The following USH2A variants were observed in gnomAD, a reference collection of about 807,000 sequenced individuals.
USH2A encodes Usher syndrome 2A (autosomal recessive, mild).
Under a neutral mutation model 538.9 loss-of-function variants are expected in USH2A, and 443 were observed. The ratio of observed to expected loss-of-function variants is 0.82; its 90% confidence interval spans 0.76 to 0.89. The LOEUF (loss-of-function observed/expected upper bound fraction) is 0.89. USH2A is among the 40% of genes least tolerant of loss of function. USH2A has a pLI of 0.00. For missense variants in USH2A, 6,633 were observed against 6,324.8 expected, an observed-to-expected ratio of 1.05 and a Z score of -1.65; for synonymous variants, 2,413 against 2,273.5, an observed-to-expected ratio of 1.06 and a Z score of -1.75.
chr1:215,737,565 T>C lies in USH2A; in HGVS notation c.11711+3810A>G, dbSNP rs190876848. Among the ~76,000 whole-genome samples, 13 of 152,092 alleles carry C rather than the reference T, an allele frequency of 8.5e-5. No homozygotes were observed. The East Asian group carries it at 1.4e-3, about 16-fold the overall frequency. ...TTCTTTGTTTATTTAGCCTGTCTTATATCTCCCACTGTAGTGAAGATCATT... is the reference window on the plus strand; with the variant it reads ...TTCTTTGTTTATTTAGCCTGTCTTACATCTCCCACTGTAGTGAAGATCATT... On this transcript the variant is annotated intron_variant, in intron 60 of 71. Transcript: ENST00000307340.
rs1558027325 is a variant in USH2A, at chr1:215,627,422, TTCCTTCC to T, written c.15519+1385_15519+1391del. ...CTTCCTTCCTTCCTTCCTTCCTTCCTTCCTTCCTTCCTTCCTTCCTTCCTTCCTTCCT... is the reference window on the plus strand; with the variant it reads ...CTTCCTTCCTTCCTTCCTTCCTTCCTTTCCTTCCTTCCTTCCTTCCTTCCT... On this transcript the variant is annotated intron_variant, in intron 71 of 71. Coordinates refer to ENST00000307340, the MANE Select transcript of USH2A (RefSeq NM_206933.4). Among the ~76,000 whole-genome samples, 109 of 122,460 alleles carry T rather than the reference TTCCTTCC, an allele frequency of 8.9e-4. 4 individuals are homozygous for T. The highest frequency in any genetic ancestry group is 3.3e-3 in the African/African-American group (104 of 31,976). The allele number at this position is 122,460 out of a possible 152,430, so 80.3% of individuals were successfully genotyped here. A position where few individuals can be genotyped will look rare whatever the true frequency, so the allele number is the denominator to read the frequency against.
intron 61 of USH2A, among the ~76,000 whole-genome samples, chr1:215,699,783 T>C (rs968122233): frequency 6.6e-6 from 1 of 152,232 alleles, no homozygotes; most frequent in Non-Finnish European, 1.5e-5. Flanking sequence ...CTCTTCCTAT[T>C]TGAATATGCT....
At chr1:215,736,591 T>C (rs1340178719) in intron 60 of USH2A, among the ~76,000 whole-genome samples, 1 of 152,028 alleles carries the variant, frequency 6.6e-6, no homozygotes, top group Non-Finnish European at 1.5e-5. Flanking sequence ...ATAATTAATG[T>C]GTTATTTTTA....
chr1:216,125,003 T>C (rs1215771704), intron 21 of USH2A, among the ~76,000 whole-genome samples: 3 of 152,186 alleles, frequency 2.0e-5, no homozygotes, highest in Non-Finnish European at 4.4e-5. Context: ...ACATCAAATA[T>C]ATTACACATT....
At chr1:216,401,915 A>G (rs2039312113) in intron 3 of USH2A, among the ~76,000 whole-genome samples, 1 of 152,146 alleles carries the variant, frequency 6.6e-6, no homozygotes, top group Non-Finnish European at 1.5e-5. Flanking sequence ...ATTACAATAT[A>G]GAATCACTCA....
Position 215,670,998 on chromosome 1 carries a change from A to G in USH2A, c.14107T>C (p.Leu4703=), listed in dbSNP as rs759350847. Residue 4703 remains leucine, a synonymous_variant, in exon 64 of 72, where the codon TTG becomes CTG. Transcript: ENST00000307340. ...SSTSFIDSEL[L]PFTEYEYQVW... ...TGATACTCATACTCTGTGAAAGGCAATAGTTCGGAATCTATAAAAGATGTT... is the reference window on the plus strand; with the variant it reads ...TGATACTCATACTCTGTGAAAGGCAGTAGTTCGGAATCTATAAAAGATGTT... The G allele has an allele frequency of 6.2e-7, 1 of 1,614,186 alleles. No individual in the cohort carries two copies. Among genetic ancestry groups the G allele is most frequent in the Non-Finnish European group, 8.5e-7 (1 of 1,180,010 alleles).
At chr1:216,318,075 A>G (rs978253436) in intron 9 of USH2A, among the ~76,000 whole-genome samples, 5 of 152,160 alleles carry the variant, frequency 3.3e-5, no homozygotes, top group African/African-American at 1.2e-4. Flanking sequence ...ACCTTTTCTC[A>G]ACTTCATTCA....
intron 21 of USH2A, among the ~76,000 whole-genome samples, chr1:216,104,490 A>G (rs527338225): frequency 6.5e-4 from 99 of 152,306 alleles, no homozygotes; most frequent in African/African-American, 2.3e-3. Flanking sequence ...CCAATGGAAC[A>G]GAACAGAGCC....
At chr1:215,919,246 T>G (rs1350847978) in intron 38 of USH2A, among the ~76,000 whole-genome samples, 1 of 152,130 alleles carries the variant, frequency 6.6e-6, no homozygotes, top group African/African-American at 2.4e-5. Flanking sequence ...AATGGAGTTC[T>G]AATTTGCTGC....
intron 3 of USH2A, among the ~76,000 whole-genome samples, chr1:216,410,578 A>G (rs2039472027): frequency 6.6e-6 from 1 of 152,108 alleles, no homozygotes. Flanking sequence ...AGGGATATGG[A>G]CATCAGAATA....
At chr1:216,072,450 C>A in intron 29 of USH2A, 3 of 270,456 alleles carry the variant, frequency 1.1e-5, no homozygotes, top group Non-Finnish European at 2.2e-5. Flanking sequence ...TCATAGACAC[C>A]CCTGATTCCA....
chr1:216,006,647 C>T (rs564637871), intron 32 of USH2A, among the ~76,000 whole-genome samples: 1 of 152,218 alleles, frequency 6.6e-6, no homozygotes, highest in South Asian at 2.1e-4. Flanking sequence ...TATGTTGTTC[C>T]TTTGTGACTC....
chr1:216,086,995 T>C (rs1319507883), intron 23 of USH2A, 175 bp from the exon 24 acceptor site: 2 of 605,514 alleles, frequency 3.3e-6, no homozygotes, highest in African/African-American at 1.8e-5. Flanking sequence ...CCCAGCATCA[T>C]GATGTTGGAA....
intron 64 of USH2A, 90 bp from the exon 65 acceptor site, chr1:215,650,891 G>C: frequency 1.4e-6 from 2 of 1,473,844 alleles, no homozygotes; most frequent in Non-Finnish European, 1.8e-6. Context: ...AAACGAAATT[G>C]GCAACCAAAA....
At chr1:216,006,125 T>G (rs1668384923) in intron 32 of USH2A, among the ~76,000 whole-genome samples, 2 of 152,152 alleles carry the variant, frequency 1.3e-5, no homozygotes, top group Admixed American at 6.5e-5. Flanking sequence ...GAATCTGGCT[T>G]TACTTTAACT....
rs1553250638 is a variant in USH2A, at chr1:216,323,684, T to A, written c.1340A>T (p.Tyr447Phe). 3 of 1,613,350 alleles carry A rather than the reference T, an allele frequency of 1.9e-6. No homozygotes were observed. Among genetic ancestry groups the A allele is most frequent in the Non-Finnish European group, 2.5e-6 (3 of 1,179,658 alleles). Reference protein sequence around the residue: ...NCLQLSNFTPYSRGNVTFSIL... With the variant: ...NCLQLSNFTPFSRGNVTFSIL... Reference sequence around the variant, plus strand: ...GCTAAATGTGACATTGCCACGGGAATATGGAGTAAAACTGTTAATGAAAGA... The same window carrying A: ...GCTAAATGTGACATTGCCACGGGAAAATGGAGTAAAACTGTTAATGAAAGA... The change falls in exon 8 of 72, where the codon TAT (tyrosine) becomes TTT (phenylalanine). Residue 447 changes from tyrosine (Y) to phenylalanine (F), a missense_variant. Tyr to Phe is a conservative substitution (Grantham distance 22). Coordinates refer to ENST00000307340, the MANE Select transcript of USH2A (RefSeq NM_206933.4).
intron 27 of USH2A, among the ~76,000 whole-genome samples, chr1:216,075,101 G>A (rs1404837538): frequency 6.6e-6 from 1 of 152,066 alleles, no homozygotes; most frequent in Non-Finnish European, 1.5e-5. Context: ...TTTTCAATTT[G>A]GGAAAGCCCA....
chr1:216,125,524 G>A (rs886489999), intron 21 of USH2A, among the ~76,000 whole-genome samples: 3 of 152,218 alleles, frequency 2.0e-5, no homozygotes, highest in Non-Finnish European at 4.4e-5. Context: ...GGAAGAGTTA[G>A]TAGGCGAGCT....
chr1:216,122,238 G>GA (rs928294791), intron 21 of USH2A, among the ~76,000 whole-genome samples: 2 of 152,042 alleles, frequency 1.3e-5, no homozygotes, highest in Non-Finnish European at 2.9e-5. Flanking sequence ...GCAAGCACGG[G>GA]AGAAAAGTAT....
Sources: gnomAD v4.1 joint callset for allele counts (sites outside exome capture counted in the v4.1 genomes callset) on GRCh38, gnomAD v4.1.1 for gene constraint, MANE v1.5 for transcripts, NCBI Gene and HGNC (gene_info 2026-07-23, HGNC 2026-07-21) for gene names.